BIVM: variants seen among roughly 807,000 people sequenced by gnomAD.
BIVM encodes the protein basic, immunoglobulin-like variable motif containing, also known as basic immunoglobulin-like variable motif-containing protein.
A neutral mutation model predicts 61.4 loss-of-function variants in BIVM; 31 were observed. The ratio of observed to expected loss-of-function variants is 0.51; its 90% CI spans 0.38 to 0.68. The LOEUF (loss-of-function observed/expected upper bound fraction) is 0.68. Among genes scored for constraint, BIVM ranks in the 30% least tolerant of loss-of-function variants. The pLI is 0.00. For missense variants in BIVM, 526 were observed against 596.0 expected (o/e 0.88, Z 1.22); for synonymous variants, 189 against 210.7 (o/e 0.90, Z 0.89).
rs1424241290 is a variant in BIVM at position 102,799,195 on chromosome 13, C to A, written c.-533C>A. ...CCATTTATTTACTTCTCGGTCACCG[C>A]TTTCGGGGGACAGATAAACACCACA... On this transcript the variant is annotated 5_prime_UTR_variant, in exon 1 of 11. Transcript: ENST00000257336. 1 of 369,158 alleles carries A rather than the reference C, an allele frequency of 2.7e-6. No individual in the cohort carries two copies. Among genetic ancestry groups the A allele is most frequent in the Non-Finnish European group, 4.8e-6 (1 of 208,068 alleles). The allele number at this position is 369,158 out of a possible 1,614,324, so 22.9% of individuals were successfully genotyped here.
intron 3 of BIVM, among the ~76,000 whole-genome samples, chr13:102,808,800 T>C (rs556625177): frequency 1.3e-5 from 2 of 152,278 alleles, no homozygotes; most frequent in South Asian, 4.1e-4. Context: ...AAATTTTAAT[T>C]TGTCCATGTC....
At chr13:102,812,989 T>C (rs1879607416) in intron 3 of BIVM, among the ~76,000 whole-genome samples, 1 of 152,232 alleles carries the variant, frequency 6.6e-6, no homozygotes, top group Admixed American at 6.5e-5. Flanking sequence ...CACAGTTTCT[T>C]GGACTTGGGG....
intron 7 of BIVM, among the ~76,000 whole-genome samples, chr13:102,829,355 C>G (rs554181287): frequency 6.6e-6 from 1 of 152,176 alleles, no homozygotes; most frequent in East Asian, 1.9e-4. Flanking sequence ...TTTTTTTCTC[C>G]TTTCTCTATG....
intron 2 of BIVM, among the ~76,000 whole-genome samples, chr13:102,805,660 C>T (rs1879018090): frequency 6.6e-6 from 1 of 152,156 alleles, no homozygotes; most frequent in Non-Finnish European, 1.5e-5. Context: ...GAAACTCCAT[C>T]ACCCCCAAAC....
At chr13:102,824,594 C>T (rs758690116) in intron 7 of BIVM, among the ~76,000 whole-genome samples, 4 of 152,174 alleles carry the variant, frequency 2.6e-5, no homozygotes, top group Non-Finnish European at 4.4e-5. Context: ...GCAGTCACAG[C>T]TGCTTGATGC....
chr13:102,830,377 T>C (rs1382939949), intron 7 of BIVM, among the ~76,000 whole-genome samples: 1 of 152,178 alleles, frequency 6.6e-6, no homozygotes, highest in Non-Finnish European at 1.5e-5. Context: ...TCATCTATTT[T>C]TAGGATTTCT....
At chr13:102,838,833 C>T in intron 10 of BIVM, 94 bp downstream of exon 10, 1 of 1,145,006 alleles carries the variant, frequency 8.7e-7, no homozygotes, top group South Asian at 1.8e-5. Context: ...TAACAGAAAC[C>T]TATATTTGAT....
intron 3 of BIVM, among the ~76,000 whole-genome samples, chr13:102,809,891 T>C (rs1304649167): frequency 6.6e-6 from 1 of 151,146 alleles, no homozygotes; most frequent in African/African-American, 2.4e-5. Flanking sequence ...GTTCACACCA[T>C]TCTCCTGCCT....
chr13:102,810,649 T>G (rs1879434399), intron 3 of BIVM, among the ~76,000 whole-genome samples: 1 of 152,272 alleles, frequency 6.6e-6, no homozygotes, highest in Non-Finnish European at 1.5e-5. Flanking sequence ...AAACTAATAA[T>G]TTTTATGTAT....
chr13:102,807,745 G>T lies in BIVM; in HGVS notation c.478G>T (p.Gly160Cys), dbSNP rs745490643. Residue 160 changes from glycine (G) to cysteine (C), a missense_variant and splice_region_variant, in exon 3 of 11, where the codon GGC becomes TGC. Around this residue, in one of 3 missense-constraint regions of BIVM, gnomAD observed 312 missense variants for 343.8 expected, o/e 0.91. Coordinates refer to ENST00000257336, the MANE Select transcript of BIVM (RefSeq NM_017693.4). This position sits in a 1 kb window ranked among gnomAD's most constrained non-coding sequence, Gnocchi z 4.0. The part of the protein sequence containing the change: ...GVTTNSKHKS[G>C]NAKKQVSKRK... Reference sequence around the variant, plus strand: ...GACCACAAATTCGAAACACAAATCAGGTAAGGAGGGAGCCATGAAGTTCAT... The same window carrying T: ...GACCACAAATTCGAAACACAAATCATGTAAGGAGGGAGCCATGAAGTTCAT... 1 of 1,603,294 alleles carries T rather than the reference G, an allele frequency of 6.2e-7. No individual in the cohort carries two copies. Among genetic ancestry groups the T allele is most frequent in the East Asian group, 2.2e-5 (1 of 44,780 alleles).
intron 4 of BIVM, among the ~76,000 whole-genome samples, chr13:102,817,087 C>T (rs912091350): frequency 6.6e-6 from 1 of 152,134 alleles, no homozygotes; most frequent in African/African-American, 2.4e-5. Context: ...CAGTTGTGAA[C>T]CACATGTTTG....
At chr13:102,821,593 A>G in intron 5 of BIVM, 150 bp from the exon 6 acceptor site, 1 of 624,996 alleles carries the variant, frequency 1.6e-6, no homozygotes, top group Non-Finnish European at 2.4e-6. Flanking sequence ...CAGAGTGAGA[A>G]CCTGTCTCTA....
intron 1 of BIVM, among the ~76,000 whole-genome samples, chr13:102,803,480 G>A (rs186986817): frequency 4.1e-4 from 63 of 152,172 alleles, no homozygotes; most frequent in African/African-American, 1.3e-3. Flanking sequence ...TCCAGCCTGG[G>A]CAACAGAGTG....
At position 102,833,562 on chromosome 13, in the gene BIVM, ATC is replaced by A. The variant is rs1333497135; in HGVS notation, c.1035-902_1035-901del. Among the ~76,000 whole-genome samples the A allele has an allele frequency of 8.0e-4, 122 of 152,128 alleles. 1 individual carries two copies. The highest frequency in any genetic ancestry group is 4.9e-3 in the Admixed American group (75 of 15,272). ...GGTCTTGAACTCCTGGGCTCCAGTG[ATC>A]TGACCATGTCAGTCTCCCAAAGTGC... On this transcript the variant is annotated intron_variant, in intron 8 of 10. Coordinates refer to ENST00000257336, the MANE Select transcript of BIVM (RefSeq NM_017693.4).
At chr13:102,832,070 G>C (rs1881131012) in intron 8 of BIVM, among the ~76,000 whole-genome samples, 1 of 152,124 alleles carries the variant, frequency 6.6e-6, no homozygotes, top group Non-Finnish European at 1.5e-5. Context: ...CATCAAGTTA[G>C]ACTATTCTTT....
In BIVM at chr13:102,834,524, A is replaced by G; in HGVS notation, c.1093A>G (p.Arg365Gly). The G allele has an allele frequency of 6.3e-7, 1 of 1,592,488 alleles. No individual in the cohort carries two copies. The highest frequency in any genetic ancestry group is 8.5e-7 in the Non-Finnish European group (1 of 1,173,676). ...TTGGATCTTAATTGGAGAATCAAGTAGAAAACATCCTGCCATTCACTGTAA... is the reference window on the plus strand; with the variant it reads ...TTGGATCTTAATTGGAGAATCAAGTGGAAAACATCCTGCCATTCACTGTAA... ...EYWILIGESS[R>G]KHPAIHCKKW... Residue 365 changes from arginine to glycine, a missense_variant, in exon 9 of 11, where the codon AGA (arginine) becomes GGA (glycine). Transcript: ENST00000257336.
chr13:102,803,998 C>T (rs1878906200), intron 1 of BIVM, among the ~76,000 whole-genome samples: 1 of 152,200 alleles, frequency 6.6e-6, no homozygotes, highest in Admixed American at 6.5e-5. Context: ...TACAACTACT[C>T]CAAGAATTTT....
At chr13:102,819,817 A>G (rs573809239) in intron 4 of BIVM, among the ~76,000 whole-genome samples, 1 of 152,326 alleles carries the variant, frequency 6.6e-6, no homozygotes, top group Non-Finnish European at 1.5e-5. Context: ...TGCATAGTAT[A>G]TATACATATA....
At chr13:102,833,333 T>TTTTTTTTTTG (rs1566455876) in intron 8 of BIVM, among the ~76,000 whole-genome samples, 2 of 130,850 alleles carry the variant, frequency 1.5e-5, no homozygotes, top group Non-Finnish European at 3.4e-5. Flanking sequence ...ATGGGTTTTT[T>TTTTTTTTTTG]TTTTTTTTTT....
Sources: allele counts gnomAD v4.1 joint callset (sites outside exome capture counted in the v4.1 genomes callset), GRCh38; gene constraint gnomAD v4.1.1; regional missense constraint gnomAD v4.1.1; non-coding constraint Gnocchi (gnomAD v3.1); transcripts MANE v1.5; gene names NCBI Gene and HGNC (gene_info 2026-07-23, HGNC 2026-07-21).